BAZ2B: variants seen among roughly 807,000 people sequenced by gnomAD.
BAZ2B encodes the protein bromodomain adjacent to zinc finger domain protein 2B.
In BAZ2B, 91 loss-of-function variants were observed where a neutral mutation model predicts 246.0. The observed-to-expected ratio is 0.37, with a 90% CI of 0.31 to 0.44. The LOEUF is 0.44. Ranked by LOEUF, BAZ2B falls within the 20% of genes least tolerant of loss-of-function variation. BAZ2B has a pLI of 1.00. For missense variants in BAZ2B, 2,332 were observed against 2,533.7 expected, an observed-to-expected ratio of 0.92 and a Z score of 1.71; for synonymous variants, 855 against 860.0, an observed-to-expected ratio of 0.99 and a Z score of 0.10.
Position 159,348,845 on chromosome 2 carries a change from T to C in BAZ2B, c.5138-12A>G. The C allele has an allele frequency of 6.3e-7, 1 of 1,581,652 alleles. No homozygotes were observed. Among genetic ancestry groups the C allele is most frequent in the Non-Finnish European group, 8.5e-7 (1 of 1,171,632 alleles). On this transcript the variant is annotated splice_polypyrimidine_tract_variant and intron_variant, in intron 29 of 36. Coordinates refer to ENST00000392783, the MANE Select transcript of BAZ2B (RefSeq NM_013450.4). ...ACCAAACTGCATTTCTAAGTCAAGATAAATAAGTAGAACTTTTACAAATAT... is the reference window on the plus strand; with the variant it reads ...ACCAAACTGCATTTCTAAGTCAAGACAAATAAGTAGAACTTTTACAAATAT...
chr2:159,394,153 C>T (rs1347089637), intron 20 of BAZ2B, among the ~76,000 whole-genome samples: 1 of 151,864 alleles, frequency 6.6e-6, no homozygotes, highest in African/African-American at 2.4e-5. Context: ...CAAAACAAAA[C>T]CCATGATTGG....
the BAZ2B span, among the ~76,000 whole-genome samples, chr2:159,635,186 T>C: frequency 1.3e-5 from 2 of 152,148 alleles, no homozygotes; most frequent in African/African-American, 4.8e-5. Context: ...GGAACATACC[T>C]TGTTCTCACT....
the BAZ2B span, among the ~76,000 whole-genome samples, chr2:159,668,081 G>A: frequency 7.2e-5 from 11 of 152,032 alleles, no homozygotes; most frequent in African/African-American, 2.7e-4. Context: ...GTAGTTTAAC[G>A]GGTAGAGATT....
chr2:159,499,025 T>A (rs2081436215), intron 2 of BAZ2B, among the ~76,000 whole-genome samples: 1 of 152,140 alleles, frequency 6.6e-6, no homozygotes, highest in Non-Finnish European at 1.5e-5. Flanking sequence ...TTTTTTCTTC[T>A]ACTTTTAAGT....
intron 1 of BAZ2B, among the ~76,000 whole-genome samples, chr2:159,591,094 A>G (rs1689292954): frequency 6.6e-6 from 1 of 152,206 alleles, no homozygotes; most frequent in Non-Finnish European, 1.5e-5. Context: ...ATGAAATAAT[A>G]TCAAATCTCA....
the BAZ2B span, among the ~76,000 whole-genome samples, chr2:159,697,030 C>T: frequency 2.6e-5 from 4 of 152,206 alleles, no homozygotes; most frequent in South Asian, 8.3e-4. Flanking sequence ...AGGTGATTCA[C>T]TTGCCTCAGC....
chr2:159,700,737 G>A, the BAZ2B span, among the ~76,000 whole-genome samples: 6 of 152,138 alleles, frequency 3.9e-5, no homozygotes, highest in Admixed American at 6.5e-5. Flanking sequence ...GAGCCACCTC[G>A]TCCTGCCCTG....
At chr2:159,565,792 A>G (rs56106240) in intron 1 of BAZ2B, among the ~76,000 whole-genome samples, 42,430 of 142,074 alleles carry the variant, frequency 0.3, 7,721 homozygotes, top group Admixed American at 0.42. Context: ...AAAAAAAAAA[A>G]GGAAAAAAAA....
At chr2:159,351,861 G>A (rs1156433421) in intron 27 of BAZ2B, among the ~76,000 whole-genome samples, 1 of 152,176 alleles carries the variant, frequency 6.6e-6, no homozygotes, top group African/African-American at 2.4e-5. Flanking sequence ...AAAATATTCA[G>A]TCATGAAGGG....
chr2:159,691,397 A>C, the BAZ2B span, among the ~76,000 whole-genome samples: 3 of 152,222 alleles, frequency 2.0e-5, no homozygotes, highest in African/African-American at 7.2e-5. Flanking sequence ...CAATTAACAC[A>C]TATTTTTTAT....
chr2:159,514,706 C>T (rs574130578), intron 2 of BAZ2B, among the ~76,000 whole-genome samples: 11 of 152,228 alleles, frequency 7.2e-5, no homozygotes, highest in African/African-American at 2.6e-4. Context: ...TCTACAATTA[C>T]TTTCTCATTG....
intron 1 of BAZ2B, among the ~76,000 whole-genome samples, chr2:159,570,236 G>A (rs549737477): frequency 6.7e-6 from 1 of 149,910 alleles, no homozygotes; most frequent in East Asian, 2.0e-4. Flanking sequence ...CCAGGCTGGA[G>A]TGCAGTGGCG....
At chr2:159,441,936 A>C (rs1480033106) in intron 6 of BAZ2B, among the ~76,000 whole-genome samples, 1 of 152,200 alleles carries the variant, frequency 6.6e-6, no homozygotes, top group East Asian at 1.9e-4. Flanking sequence ...TATTTCTTTT[A>C]GTAACAAAAC....
intron 2 of BAZ2B, among the ~76,000 whole-genome samples, chr2:159,482,719 A>G (rs1490378483): frequency 2.0e-5 from 3 of 152,136 alleles, no homozygotes; most frequent in African/African-American, 7.2e-5. Flanking sequence ...AAATAAGCTG[A>G]TTTTTCATCT....
chr2:159,498,840 A>G (rs1480081414), intron 2 of BAZ2B, among the ~76,000 whole-genome samples: 2 of 152,220 alleles, frequency 1.3e-5, no homozygotes, highest in Admixed American at 6.5e-5. Context: ...GTCTTACTGT[A>G]CTTACTGTAT....
chr2:159,384,710 C>T (rs1043512440), intron 23 of BAZ2B, among the ~76,000 whole-genome samples: 8 of 151,936 alleles, frequency 5.3e-5, no homozygotes, highest in Non-Finnish European at 1.2e-4. Context: ...CTCTATGGTT[C>T]TATTAGCATA....
At chr2:159,440,961 T>C (rs2073287091) in intron 6 of BAZ2B, among the ~76,000 whole-genome samples, 1 of 152,094 alleles carries the variant, frequency 6.6e-6, no homozygotes, top group Non-Finnish European at 1.5e-5. Flanking sequence ...TGAATTGGAA[T>C]TGTATGGGTA....
the BAZ2B span, among the ~76,000 whole-genome samples, chr2:159,662,385 CTA>C: frequency 1.3e-5 from 2 of 152,140 alleles, no homozygotes; most frequent in Non-Finnish European, 2.9e-5. Flanking sequence ...TATGGTATTT[CTA>C]TGTTTAGCTT....
rs183622847 is a variant in BAZ2B at position 159,576,258 on chromosome 2, T to C, written c.-45-20393A>G. On this transcript the variant is annotated intron_variant, in intron 1 of 36. Coordinates refer to ENST00000392783, the MANE Select transcript of BAZ2B (RefSeq NM_013450.4). ...CAAATATACCCACCTAAAAGAATTC[T>C]TGTGAGGATTACACAAATAAATATA... Among the ~76,000 whole-genome samples the C allele has an allele frequency of 4.4e-3, 675 of 152,210 alleles. 10 individuals carry two copies. The highest frequency in any genetic ancestry group is 0.016 in the South Asian group (79 of 4,826).
Sources: gnomAD v4.1 joint callset for allele counts (sites outside exome capture counted in the v4.1 genomes callset) on GRCh38, gnomAD v4.1.1 for gene constraint, MANE v1.5 for transcripts, NCBI Gene and HGNC (gene_info 2026-07-23, HGNC 2026-07-21) for gene names.